FGF14: variants seen among roughly 807,000 people sequenced by gnomAD.
The protein encoded by FGF14 is fibroblast growth factor homologous factor 4.
A neutral mutation model predicts 25.5 loss-of-function variants in FGF14; 5 were observed. The observed-to-expected ratio is 0.20, with a 90% CI of 0.10 to 0.41. The LOEUF (loss-of-function observed/expected upper bound fraction) is 0.41, where lower values mean the gene tolerates loss of function less well. Ranked by LOEUF, FGF14 falls within the 10% of genes least tolerant of loss-of-function variation. The probability of loss-of-function intolerance (pLI) is 1.00; values close to 1 mark genes in which losing one functional copy is unlikely to be tolerated. For missense variants in FGF14, 222 were observed against 320.1 expected, an observed-to-expected ratio of 0.69 and a Z score of 2.34; for synonymous variants, 138 against 118.3, an observed-to-expected ratio of 1.17 and a Z score of -1.08.
At chr13:101,866,044 T>C (rs1290028600) in intron 3 of FGF14, among the ~76,000 whole-genome samples, 3 of 152,058 alleles carry the variant, frequency 2.0e-5, no homozygotes, top group African/African-American at 7.2e-5. Context: ...TCATGGCTTT[T>C]AAAACTTAAA....
At chr13:101,829,694 A>G (rs368936615) in intron 3 of FGF14, among the ~76,000 whole-genome samples, 107 of 152,256 alleles carry the variant, frequency 7.0e-4, no homozygotes, top group African/African-American at 2.5e-3. Flanking sequence ...GAAGAATTTC[A>G]GAAATAACTG....
At chr13:101,723,930 C>G (rs2139666906) in intron 4 of FGF14, among the ~76,000 whole-genome samples, 1 of 152,112 alleles carries the variant, frequency 6.6e-6, no homozygotes, top group East Asian at 1.9e-4. Context: ...ACGAAGAGCC[C>G]TTAGATTTAG....
intron 1 of FGF14, among the ~76,000 whole-genome samples, chr13:102,044,010 C>T (rs537689854): frequency 3.2e-4 from 48 of 152,322 alleles, no homozygotes; most frequent in African/African-American, 1.0e-3. Flanking sequence ...AGTGGAACTG[C>T]ATAGAAATGA....
intron 1 of FGF14, among the ~76,000 whole-genome samples, chr13:102,087,053 G>A (rs1257363837): frequency 6.6e-6 from 1 of 152,156 alleles, no homozygotes; most frequent in Non-Finnish European, 1.5e-5. Flanking sequence ...TCATTAGGAC[G>A]TAAATTTGTC....
At chr13:102,145,766 A>G (rs1368477100) in intron 1 of FGF14, among the ~76,000 whole-genome samples, 2 of 152,326 alleles carry the variant, frequency 1.3e-5, no homozygotes, top group Admixed American at 6.5e-5. Context: ...TAACCAGTGC[A>G]TTGGTTATCT....
chr13:102,155,351 T>G (rs1313882233), intron 1 of FGF14, among the ~76,000 whole-genome samples: 2 of 152,194 alleles, frequency 1.3e-5, no homozygotes, highest in Non-Finnish European at 2.9e-5. Flanking sequence ...AACTCAGGAT[T>G]AAGAAACTCA....
At chr13:102,265,773 C>A (rs928932172) in intron 1 of FGF14, among the ~76,000 whole-genome samples, 1 of 151,950 alleles carries the variant, frequency 6.6e-6, no homozygotes, top group Non-Finnish European at 1.5e-5. Context: ...AACACTTTAC[C>A]TAAGAACTGA....
intron 1 of FGF14, among the ~76,000 whole-genome samples, chr13:102,123,582 C>A (rs915744431): frequency 8.7e-6 from 1 of 115,064 alleles, no homozygotes; most frequent in African/African-American, 4.1e-5. Context: ...ATACAGTTTT[C>A]CAAATTCAAA....
chr13:101,789,572 C>A (rs1431605446), intron 3 of FGF14, among the ~76,000 whole-genome samples: 1 of 152,150 alleles, frequency 6.6e-6, no homozygotes, highest in Non-Finnish European at 1.5e-5. Flanking sequence ...AAATTCTTCT[C>A]TAATCATTTG....
At chr13:102,082,055 C>T (rs918834074) in intron 1 of FGF14, among the ~76,000 whole-genome samples, 4 of 152,032 alleles carry the variant, frequency 2.6e-5, no homozygotes, top group Admixed American at 2.0e-4. Context: ...TGAATTTACC[C>T]ATTCTGACAT....
rs565554206 is a variant in FGF14, at chr13:101,716,205, T to A, written c.*6626A>T. 1 of 152,328 alleles carries A rather than the reference T, an allele frequency of 6.6e-6. No homozygotes were observed. Among genetic ancestry groups the A allele is most frequent in the South Asian group, 2.1e-4 (1 of 4,830 alleles). 9.4% of individuals were successfully genotyped at this position (152,328 alleles called of 1,614,324 possible). Reference sequence around the variant, plus strand: ...ATTAATCGATCAGATTTTTCCAGAATTCCGTATCAGTCACCATTTTAATAT... The same window carrying A: ...ATTAATCGATCAGATTTTTCCAGAAATCCGTATCAGTCACCATTTTAATAT... On this transcript the variant is annotated 3_prime_UTR_variant, in exon 5 of 5. Transcript: ENST00000376143.
chr13:101,715,387 G>A lies in FGF14; in HGVS notation c.*7444C>T, dbSNP rs1354717220. On this transcript the variant is annotated 3_prime_UTR_variant, in exon 5 of 5. Transcript: ENST00000376143. ...AATAAATGCCACTAATTGTTTGAAA[G>A]ATTAGATGTCTCGCAGCTGCTTAAT... 3.5e-5 allele frequency: 21 copies of A among 598,690 alleles called. 1 individual carries two copies. Among genetic ancestry groups the A allele is most frequent in the Non-Finnish European group, 5.7e-5 (19 of 332,994 alleles). The allele number at this position is 598,690 out of a possible 1,614,324, so 37.1% of individuals were successfully genotyped here.
At chr13:102,120,605 G>A (rs1273917126) in intron 1 of FGF14, among the ~76,000 whole-genome samples, 1 of 152,082 alleles carries the variant, frequency 6.6e-6, no homozygotes, top group Non-Finnish European at 1.5e-5. Flanking sequence ...CAGAACCCTG[G>A]TGAAATGCAG....
At chr13:102,094,878 T>C (rs530509757) in intron 1 of FGF14, among the ~76,000 whole-genome samples, 6 of 152,160 alleles carry the variant, frequency 3.9e-5, no homozygotes, top group Non-Finnish European at 8.8e-5. Flanking sequence ...AATGAACACA[T>C]TGAAGCAGTC....
chr13:101,791,759 T>C (rs902930642), intron 3 of FGF14, among the ~76,000 whole-genome samples: 2 of 149,880 alleles, frequency 1.3e-5, no homozygotes, highest in African/African-American at 2.4e-5. Context: ...TGTGCAAATG[T>C]TCACTGAAAC....
intron 1 of FGF14, among the ~76,000 whole-genome samples, chr13:102,268,568 T>C (rs569040269): frequency 7.2e-5 from 11 of 152,178 alleles, no homozygotes; most frequent in African/African-American, 2.4e-4. Flanking sequence ...CAATAGAGTT[T>C]CTAATAAAGG....
intron 1 of FGF14, among the ~76,000 whole-genome samples, chr13:102,359,292 G>A (rs1208509588): frequency 6.6e-6 from 1 of 152,148 alleles, no homozygotes; most frequent in Non-Finnish European, 1.5e-5. Flanking sequence ...CAATAAAGCT[G>A]CACATCCTGC....
chr13:101,919,243 G>C (rs1267461542), upstream of FGF14, among the ~76,000 whole-genome samples: 1 of 152,016 alleles, frequency 6.6e-6, no homozygotes, highest in Non-Finnish European at 1.5e-5. Context: ...GTACATTTCA[G>C]AAGTTCTAGA....
chr13:101,774,361 AC>A (rs1240742538), intron 3 of FGF14, among the ~76,000 whole-genome samples: 2 of 152,116 alleles, frequency 1.3e-5, no homozygotes, highest in Non-Finnish European at 2.9e-5. Flanking sequence ...ACCCTTGGAA[AC>A]CAGTCGAGAT....
Sources: gnomAD v4.1 joint callset for allele counts (sites outside exome capture counted in the v4.1 genomes callset) on GRCh38, gnomAD v4.1.1 for gene constraint, MANE v1.5 for transcripts, NCBI Gene and HGNC (gene_info 2026-07-23, HGNC 2026-07-21) for gene names.